Variants in CTNNA3 observed in about 807,000 individuals in gnomAD.
CTNNA3 encodes catenin alpha-3.
CTNNA3 carries 76 observed loss-of-function variants against 95.7 expected under a neutral mutation model. The observed-to-expected ratio is 0.79, with a 90% CI of 0.66 to 0.96. The LOEUF (loss-of-function observed/expected upper bound fraction) is 0.96. Ranked by LOEUF, CTNNA3 falls within the 40% of genes least tolerant of loss-of-function variation. The pLI, the probability that CTNNA3 is intolerant of heterozygous loss-of-function variation, is 0.00. For synonymous variants in CTNNA3, 431 were observed against 374.4 expected, an observed-to-expected ratio of 1.15 and a Z score of -1.74; for missense variants, 1,191 against 1,089.8, an observed-to-expected ratio of 1.09 and a Z score of -1.31.
At chr10:67,405,344 A>G (rs1845096016) in intron 5 of CTNNA3, among the ~76,000 whole-genome samples, 3 of 152,212 alleles carry the variant, frequency 2.0e-5, no homozygotes, top group Non-Finnish European at 4.4e-5. Flanking sequence ...AAAGGGATGG[A>G]GGAAAATTTA....
intron 5 of CTNNA3, among the ~76,000 whole-genome samples, chr10:67,411,751 A>T (rs1189136147): frequency 6.6e-6 from 1 of 152,138 alleles, no homozygotes; most frequent in Non-Finnish European, 1.5e-5. Flanking sequence ...TGAGTTTTAC[A>T]GGAGAACTAG....
At chr10:66,489,470 T>C (rs1020702618) in intron 11 of CTNNA3, among the ~76,000 whole-genome samples, 1 of 152,116 alleles carries the variant, frequency 6.6e-6, no homozygotes, top group African/African-American at 2.4e-5. Context: ...ACAGAAATTA[T>C]AAAGGGGAGG....
At position 67,567,703 on chromosome 10, in the gene CTNNA3, G is replaced by T. The variant is rs191928304; in HGVS notation, c.293-28034C>A. ...GGTAGCAATTCCAAACAGATACCAC[G>T]GGCTTCATGTTCATGTATGTTTACT... On this transcript the variant is annotated intron_variant, in intron 3 of 17. Transcript: ENST00000433211. Among the ~76,000 whole-genome samples the T allele has an allele frequency of 2.0e-5, 3 of 152,102 alleles. No individual in the cohort carries two copies. The East Asian group carries it at 5.8e-4, about 29-fold the overall frequency.
Position 67,219,284 on chromosome 10 carries a change from T to C in CTNNA3, c.843+323A>G, listed in dbSNP as rs116205388. 0.015 allele frequency among the ~76,000 whole-genome samples: 2,291 copies of C among 152,328 alleles called. 57 individuals carry two copies. The highest frequency in any genetic ancestry group is 0.052 in the African/African-American group (2,160 of 41,556). ...ATGTCCCAAGCACATAGAACAGTAATGCCAATAAGTATTTGTGGAGTGAAT... is the reference window on the plus strand; with the variant it reads ...ATGTCCCAAGCACATAGAACAGTAACGCCAATAAGTATTTGTGGAGTGAAT... On this transcript the variant is annotated intron_variant, in intron 6 of 17. Coordinates refer to ENST00000433211, the MANE Select transcript of CTNNA3 (RefSeq NM_013266.4).
At chr10:66,792,023 A>G (rs1474799743) in intron 7 of CTNNA3, among the ~76,000 whole-genome samples, 2 of 152,216 alleles carry the variant, frequency 1.3e-5, no homozygotes, top group Non-Finnish European at 2.9e-5. Context: ...TTAAAGACTC[A>G]TAAATTATAA....
intron 7 of CTNNA3, among the ~76,000 whole-genome samples, chr10:66,803,029 AAAT>A: frequency 6.6e-6 from 1 of 152,054 alleles, no homozygotes; most frequent in Middle Eastern, 3.4e-3. Flanking sequence ...TTTTTTTTAG[AAAT>A]ATGAGTTACA....
At chr10:67,673,315 A>C (rs1330862763) in intron 1 of CTNNA3, among the ~76,000 whole-genome samples, 1 of 146,806 alleles carries the variant, frequency 6.8e-6, no homozygotes, top group Non-Finnish European at 1.5e-5. Context: ...AACAGGGACA[A>C]TTTGACTTCC....
At chr10:66,358,097 G>A (rs1043171202) in intron 12 of CTNNA3, among the ~76,000 whole-genome samples, 2 of 152,076 alleles carry the variant, frequency 1.3e-5, no homozygotes, top group African/African-American at 4.8e-5. Context: ...GTGATACCCT[G>A]TTTCATTCTT....
chr10:65,984,013 T>G (rs2078375161), intron 16 of CTNNA3, among the ~76,000 whole-genome samples: 1 of 151,256 alleles, frequency 6.6e-6, no homozygotes, highest in African/African-American at 2.4e-5. Context: ...TAATAATATA[T>G]GTAATAGATG....
intron 12 of CTNNA3, among the ~76,000 whole-genome samples, chr10:66,282,287 G>A (rs1478944917): frequency 6.6e-6 from 1 of 151,772 alleles, no homozygotes; most frequent in African/African-American, 2.4e-5. Flanking sequence ...GACTCTCAAA[G>A]TATATCTCTA....
intron 12 of CTNNA3, among the ~76,000 whole-genome samples, chr10:66,320,473 G>A (rs907585025): frequency 9.2e-5 from 14 of 152,040 alleles, no homozygotes; most frequent in African/African-American, 3.4e-4. Flanking sequence ...AACTGAATGT[G>A]AATCTTACAA....
intron 14 of CTNNA3, among the ~76,000 whole-genome samples, chr10:66,084,550 A>G (rs1179892244): frequency 1.3e-5 from 2 of 152,220 alleles, no homozygotes; most frequent in Non-Finnish European, 2.9e-5. Context: ...TGTTTACTAA[A>G]TAATGTTTTT....
intron 16 of CTNNA3, among the ~76,000 whole-genome samples, chr10:65,975,953 A>G (rs1330517919): frequency 6.6e-6 from 1 of 152,136 alleles, no homozygotes; most frequent in African/African-American, 2.4e-5. Context: ...TCTGTCATCT[A>G]TAATTCTAGA....
At chr10:67,123,172 T>C (rs1190858645) in intron 7 of CTNNA3, among the ~76,000 whole-genome samples, 1 of 152,120 alleles carries the variant, frequency 6.6e-6, no homozygotes, top group African/African-American at 2.4e-5. Flanking sequence ...GAACCAAGTA[T>C]AGAGGCTGAA....
chr10:66,395,297 T>C (rs2456736), intron 11 of CTNNA3, among the ~76,000 whole-genome samples: 14,359 of 152,074 alleles, frequency 0.094, 914 homozygotes, highest in African/African-American at 0.18. Flanking sequence ...CTCTTCAGCA[T>C]CATTTGTAAT....
intron 9 of CTNNA3, among the ~76,000 whole-genome samples, chr10:66,748,206 C>T (rs543079701): frequency 1.3e-3 from 197 of 152,314 alleles, no homozygotes; most frequent in Non-Finnish European, 2.4e-3. Flanking sequence ...GATTAATAAC[C>T]TTCAAAGTTC....
chr10:66,939,243 TTC>T (rs1847876926), intron 7 of CTNNA3, among the ~76,000 whole-genome samples: 1 of 152,212 alleles, frequency 6.6e-6, no homozygotes, highest in Non-Finnish European at 1.5e-5. Flanking sequence ...ATCTTCCCTT[TTC>T]TGAGTCTCTC....
At chr10:66,820,353 G>A (rs778354437) in intron 7 of CTNNA3, among the ~76,000 whole-genome samples, 5 of 151,934 alleles carry the variant, frequency 3.3e-5, no homozygotes, top group East Asian at 1.9e-4. Flanking sequence ...GACTGGTAAC[G>A]ATTAAAGGGT....
At chr10:67,579,341 A>G (rs903627931) in intron 3 of CTNNA3, among the ~76,000 whole-genome samples, 19 of 151,826 alleles carry the variant, frequency 1.3e-4, no homozygotes, top group South Asian at 2.1e-4. Flanking sequence ...GCTCAGAATG[A>G]TGGTTACCAG....
Sources: gnomAD v4.1 joint callset for allele counts (sites outside exome capture counted in the v4.1 genomes callset) on GRCh38, gnomAD v4.1.1 for gene constraint, MANE v1.5 for transcripts, NCBI Gene and HGNC (gene_info 2026-07-23, HGNC 2026-07-21) for gene names.